The following LHFPL4 variants were observed in gnomAD, a reference collection of about 807,000 sequenced individuals.
The protein encoded by LHFPL4 is LHFPL tetraspan subfamily member 4 protein.
In LHFPL4, 6 loss-of-function variants were observed where a neutral mutation model predicts 20.0. That is an observed-to-expected ratio of 0.30 (90% confidence interval 0.16 to 0.59). The LOEUF is 0.59. Ranked by LOEUF, LHFPL4 falls within the 20% of genes least tolerant of loss-of-function variation. The pLI is 0.88. For missense variants in LHFPL4, 215 were observed against 331.2 expected, an observed-to-expected ratio of 0.65 and a Z score of 2.72; for synonymous variants, 129 against 143.8, an observed-to-expected ratio of 0.90 and a Z score of 0.74.
intron 2 of LHFPL4, among the ~76,000 whole-genome samples, chr3:9,527,402 C>T (rs1348649409): frequency 6.6e-6 from 1 of 151,890 alleles, no homozygotes; most frequent in Non-Finnish European, 1.5e-5. Flanking sequence ...AACTCTGACA[C>T]TACTAAAAAA....
chr3:9,537,651 T>A (rs1263096194), intron 2 of LHFPL4, among the ~76,000 whole-genome samples: 1 of 152,124 alleles, frequency 6.6e-6, no homozygotes, highest in Admixed American at 6.5e-5. Context: ...CCTGCAGACA[T>A]GTGGCCTTCC....
At chr3:9,551,103 G>A (rs2046550193) in intron 2 of LHFPL4, 1 of 152,158 alleles carries the variant, frequency 6.6e-6, no homozygotes, top group South Asian at 2.1e-4. Flanking sequence ...ATATTCAAGT[G>A]ATTACACCCC....
chr3:9,526,010 A>G (rs1436820592), intron 2 of LHFPL4, among the ~76,000 whole-genome samples: 1 of 152,216 alleles, frequency 6.6e-6, no homozygotes, highest in Non-Finnish European at 1.5e-5. Context: ...AAAGTAGGGG[A>G]TGGTATATAC....
chr3:9,511,934 GT>G (rs59301468), intron 2 of LHFPL4, among the ~76,000 whole-genome samples: 4,197 of 142,088 alleles, frequency 0.03, 171 homozygotes, highest in African/African-American at 0.092. Context: ...CATGGCGACT[GT>G]TTTTTTTTTT....
rs1347355072 is a variant in LHFPL4, at chr3:9,539,474, G to C, written c.406+12800C>G. Among the ~76,000 whole-genome samples, 5 of 128,244 alleles carry C rather than the reference G, an allele frequency of 3.9e-5. No homozygotes were observed. The South Asian group carries it at 1.3e-3, about 32-fold the overall frequency. The allele number at this position is 128,244 out of a possible 152,430, so 84.1% of individuals were successfully genotyped here. The stretch of plus-strand genomic sequence containing the variant: ...CGTCTCAAAAAAAAAAAAAAAAAAG[G>C]AATAGTTCAACCCTTGTCCTCCTGA... On this transcript the variant is annotated intron_variant, in intron 2 of 3. Transcript: ENST00000287585.
intron 2 of LHFPL4, among the ~76,000 whole-genome samples, chr3:9,520,755 C>T (rs928255377): frequency 6.6e-6 from 1 of 152,234 alleles, no homozygotes; most frequent in South Asian, 2.1e-4. Context: ...TATATTTTAA[C>T]TCCAATGTGT....
chr3:9,518,367 T>C (rs2046317032), intron 2 of LHFPL4, among the ~76,000 whole-genome samples: 1 of 152,200 alleles, frequency 6.6e-6, no homozygotes. Context: ...TATAGGTTAT[T>C]TTTCCTTGTA....
intron 2 of LHFPL4, among the ~76,000 whole-genome samples, chr3:9,509,237 T>A (rs2046241155): frequency 1.1e-5 from 1 of 91,280 alleles, no homozygotes; most frequent in African/African-American, 4.5e-5. Flanking sequence ...TCATCTTTCT[T>A]CGCACCCCCC....
intron 3 of LHFPL4, among the ~76,000 whole-genome samples, chr3:9,502,522 C>G (rs2046184642): frequency 5.9e-5 from 9 of 151,968 alleles, no homozygotes; most frequent in Admixed American, 5.9e-4. Flanking sequence ...ATCAACATGG[C>G]ACAACCCTGT....
intron 2 of LHFPL4, among the ~76,000 whole-genome samples, chr3:9,526,561 T>C (rs1157187932): frequency 6.6e-6 from 1 of 152,216 alleles, no homozygotes; most frequent in East Asian, 1.9e-4. Flanking sequence ...ATGGTGAATG[T>C]AATGAGTTTA....
At chr3:9,507,969 G>A (rs2046230266) in intron 2 of LHFPL4, among the ~76,000 whole-genome samples, 1 of 152,214 alleles carries the variant, frequency 6.6e-6, no homozygotes, top group African/African-American at 2.4e-5. Flanking sequence ...GAGACCCAAA[G>A]GTTCCAGAGG....
At position 9,502,008 on chromosome 3, in the gene LHFPL4, C is replaced by A. The variant is rs1442477954; in HGVS notation, c.*203G>T. 2 of 600,920 alleles carry A rather than the reference C, an allele frequency of 3.3e-6. No individual in the cohort carries two copies. The highest frequency in any genetic ancestry group is 6.0e-6 in the Non-Finnish European group (2 of 333,814). 37.2% of individuals were successfully genotyped at this position (600,920 alleles called of 1,614,324 possible). A position where few individuals can be genotyped will look rare whatever the true frequency, so the allele number is the denominator to read the frequency against. ...AATTGAGGGAGGAGCAAGAATTAGA[C>A]CCTCCCAAGGTTTGGAGGGCCTCTC... On this transcript the variant is annotated 3_prime_UTR_variant, in exon 4 of 4. Transcript: ENST00000287585.
Position 9,500,547 on chromosome 3 carries a change from C to T in LHFPL4, c.*1664G>A, listed in dbSNP as rs2046164157. ...GAGACAGGCAGGGGACTTCTAGGGT[C>T]TTTCTTGGAAACCCTAACTCTCAGG... is the stretch of plus-strand genomic sequence containing the variant. On this transcript the variant is annotated 3_prime_UTR_variant, in exon 4 of 4. Coordinates refer to ENST00000287585, the MANE Select transcript of LHFPL4 (RefSeq NM_198560.3). 1 of 152,280 alleles carries T rather than the reference C, an allele frequency of 6.6e-6. No homozygotes were observed. The allele number at this position is 152,280 out of a possible 1,614,324, so 9.4% of individuals were successfully genotyped here. A position where few individuals can be genotyped will look rare whatever the true frequency, so the allele number is the denominator to read the frequency against.
intron 2 of LHFPL4, among the ~76,000 whole-genome samples, chr3:9,520,365 T>A (rs2125659560): frequency 6.6e-6 from 1 of 152,194 alleles, no homozygotes; most frequent in East Asian, 1.9e-4. Context: ...TGTTGTTTGT[T>A]TGTTTTGAGA....
At chr3:9,534,128 A>G (rs1384891331) in intron 2 of LHFPL4, among the ~76,000 whole-genome samples, 1 of 151,536 alleles carries the variant, frequency 6.6e-6, no homozygotes, top group Non-Finnish European at 1.5e-5. Flanking sequence ...GAGGCAGGAG[A>G]ATCATTTGAA....
At chr3:9,519,977 C>T (rs2046328018) in intron 2 of LHFPL4, among the ~76,000 whole-genome samples, 1 of 152,026 alleles carries the variant, frequency 6.6e-6, no homozygotes, top group Non-Finnish European at 1.5e-5. Context: ...TATTTATTTT[C>T]TTCTGTTTAC....
At chr3:9,522,868 C>T (rs1202187093) in intron 2 of LHFPL4, among the ~76,000 whole-genome samples, 5 of 150,724 alleles carry the variant, frequency 3.3e-5, no homozygotes, top group Non-Finnish European at 7.4e-5. Context: ...AGTGAAACCC[C>T]GTCTCTACTA....
rs377010880 is a variant in LHFPL4, at chr3:9,504,780, G to A, written c.643+1187C>T. Among the ~76,000 whole-genome samples, 6 of 149,944 alleles carry A rather than the reference G, an allele frequency of 4.0e-5. No homozygotes were observed. In the East Asian group the frequency reaches 5.9e-4, roughly 15 times the overall value. On this transcript the variant is annotated intron_variant, in intron 3 of 3. Transcript: ENST00000287585. ...GTGGAGCTTGCAGTGAGTGGAGATC[G>A]CGCCACTGCACTCCAGCCTGGGTGA...
Position 9,500,861 on chromosome 3 carries a change from C to T in LHFPL4, c.*1350G>A, listed in dbSNP as rs531304130. 13 of 152,428 alleles carry T rather than the reference C, an allele frequency of 8.5e-5. No individual in the cohort carries two copies. The highest frequency in any genetic ancestry group is 8.5e-4 in the Admixed American group (13 of 15,306). The allele number at this position is 152,428 out of a possible 1,614,324, so 9.4% of individuals were successfully genotyped here. Reference sequence around the variant, plus strand: ...GTGTTCAAAAAATACCAGGAGTCTCCCTCACCTGCTCCCTGCCAAGGGGAA... The same window carrying T: ...GTGTTCAAAAAATACCAGGAGTCTCTCTCACCTGCTCCCTGCCAAGGGGAA... On this transcript the variant is annotated 3_prime_UTR_variant, in exon 4 of 4. Transcript: ENST00000287585.
Sources: gnomAD v4.1 joint callset for allele counts (sites outside exome capture counted in the v4.1 genomes callset) on GRCh38, gnomAD v4.1.1 for gene constraint, MANE v1.5 for transcripts, NCBI Gene and HGNC (gene_info 2026-07-23, HGNC 2026-07-21) for gene names.